ITPK1: variants seen among roughly 807,000 people sequenced by gnomAD.
ITPK1 encodes the protein inositol 1,3,4-trisphosphate 5/6-kinase.
In ITPK1, 21 loss-of-function variants were observed where a neutral mutation model predicts 45.3. That is an observed-to-expected ratio of 0.46 (90% CI 0.33 to 0.67). The LOEUF (loss-of-function observed/expected upper bound fraction) is 0.67, where lower values mean the gene tolerates loss of function less well. Ranked by LOEUF, ITPK1 falls within the 30% of genes least tolerant of loss-of-function variation. The pLI is 0.02. For missense variants in ITPK1, 474 were observed against 573.5 expected, an observed-to-expected ratio of 0.83 and a Z score of 1.77; for synonymous variants, 258 against 253.6, an observed-to-expected ratio of 1.02 and a Z score of -0.16.
intron 3 of ITPK1, among the ~76,000 whole-genome samples, chr14:93,056,064 C>A (rs1454860525): frequency 6.6e-6 from 1 of 152,220 alleles, no homozygotes; most frequent in Non-Finnish European, 1.5e-5. Context: ...GGAGGGAGGG[C>A]TTCACAGAGG....
At chr14:93,078,208 G>A (rs954609787) in intron 2 of ITPK1, among the ~76,000 whole-genome samples, 1 of 152,226 alleles carries the variant, frequency 6.6e-6, no homozygotes, top group Non-Finnish European at 1.5e-5. Context: ...GTCTTAGGGA[G>A]GAGATGGGCA....
rs780134021 is a variant in ITPK1, at chr14:92,962,358, G to A, written c.501C>T (p.His167=). ...AGTCAGATCTTCTTCCACTCACCTC[G>A]TGAGAGTTGGTGCCATGAGCCACTC... ...KTRVAHGTNS[H]EMAIVFNQEG... Residue 167 remains histidine, a synonymous_variant, in exon 7 of 11, where the codon CAC becomes CAT. Coordinates refer to ENST00000267615, the MANE Select transcript of ITPK1 (RefSeq NM_014216.6). The A allele has an allele frequency of 5.0e-6, 8 of 1,608,184 alleles. No individual in the cohort carries two copies. Among genetic ancestry groups the A allele is most frequent in the East Asian group, 2.2e-5 (1 of 44,854 alleles).
chr14:92,965,958 G>A lies in ITPK1; in HGVS notation c.365-3109C>T, dbSNP rs190587703. Among the ~76,000 whole-genome samples, 9 of 152,320 alleles carry A rather than the reference G, an allele frequency of 5.9e-5. No homozygotes were observed. In the East Asian group the frequency reaches 1.2e-3, roughly 20 times the overall value. ...GTGGAGGTTGACGTGAGCCAAGATC[G>A]CGCCATTGCATTCCAGCCTGGGCAA... On this transcript the variant is annotated intron_variant, in intron 5 of 10. Coordinates refer to ENST00000267615, the MANE Select transcript of ITPK1 (RefSeq NM_014216.6).
In ITPK1 at chr14:92,994,012, T is replaced by C. The variant is rs377433690; in HGVS notation, c.247-15A>G. 3.2e-6 allele frequency: 5 copies of C among 1,569,156 alleles called. No individual in the cohort carries two copies. Among genetic ancestry groups the C allele is most frequent in the East Asian group, 2.2e-5 (1 of 44,602 alleles). On this transcript the variant is annotated splice_polypyrimidine_tract_variant and intron_variant, in intron 4 of 10. Transcript: ENST00000267615. The stretch of plus-strand genomic sequence containing the variant: ...TCGATGTACTCCTGAAAGGGAAGCA[T>C]GCTGCTCTGGTTAGAGCAGGGGTAG...
intron 3 of ITPK1, among the ~76,000 whole-genome samples, chr14:93,019,859 G>A (rs938187445): frequency 6.6e-6 from 1 of 152,158 alleles, no homozygotes; most frequent in Non-Finnish European, 1.5e-5. Context: ...ATGCGATGGG[G>A]ACAGGAACTC....
At chr14:92,964,761 T>C (rs1245460421) in intron 5 of ITPK1, among the ~76,000 whole-genome samples, 2 of 152,168 alleles carry the variant, frequency 1.3e-5, no homozygotes, top group Non-Finnish European at 2.9e-5. Context: ...CCCCGGAGTT[T>C]TTAGAGCAGG....
At chr14:93,101,942 C>T (rs986175086) in intron 2 of ITPK1, among the ~76,000 whole-genome samples, 1 of 152,208 alleles carries the variant, frequency 6.6e-6, no homozygotes, top group Admixed American at 6.5e-5. Flanking sequence ...TGTTAGCGCT[C>T]AGCACCATGT....
Position 92,989,098 on chromosome 14 carries a change from G to T in ITPK1, c.364+4782C>A, listed in dbSNP as rs568107887. Among the ~76,000 whole-genome samples the T allele has an allele frequency of 4.6e-5, 7 of 152,260 alleles. No homozygotes were observed. In the East Asian group the frequency reaches 1.2e-3, roughly 25 times the overall value. On this transcript the variant is annotated intron_variant, in intron 5 of 10. Coordinates refer to ENST00000267615, the MANE Select transcript of ITPK1 (RefSeq NM_014216.6). ...ACAAACACCCACCCCCAAGGCAAAA[G>T]CTTTTTGGGGAATTATTTCTCCAGG...
chr14:93,041,604 C>A (rs1270871439), intron 3 of ITPK1, among the ~76,000 whole-genome samples: 6 of 152,234 alleles, frequency 3.9e-5, no homozygotes, highest in Admixed American at 6.5e-5. Context: ...GGCAGGCAGG[C>A]AGGCAGGCAA....
intron 2 of ITPK1, among the ~76,000 whole-genome samples, chr14:93,110,123 G>T (rs1892686352): frequency 6.6e-6 from 1 of 152,186 alleles, no homozygotes; most frequent in Non-Finnish European, 1.5e-5. Flanking sequence ...CACATAGGCA[G>T]TCAGTCGTGG....
At chr14:92,965,819 C>T (rs937048644) in intron 5 of ITPK1, among the ~76,000 whole-genome samples, 9 of 152,160 alleles carry the variant, frequency 5.9e-5, no homozygotes, top group Non-Finnish European at 1.0e-4. Context: ...GCCTGATCAA[C>T]ATGGAGAAAA....
At chr14:92,989,458 C>T (rs923117373) in intron 5 of ITPK1, among the ~76,000 whole-genome samples, 8 of 152,188 alleles carry the variant, frequency 5.3e-5, no homozygotes, top group Non-Finnish European at 7.3e-5. Flanking sequence ...CACAAACCCA[C>T]GCCATGCAAT....
chr14:93,067,204 T>C (rs1344016405), intron 3 of ITPK1, among the ~76,000 whole-genome samples: 1 of 152,196 alleles, frequency 6.6e-6, no homozygotes, highest in African/African-American at 2.4e-5. Context: ...AATGCTTACC[T>C]GGCACGCTCC....
At chr14:93,055,059 G>A (rs1890166097) in intron 3 of ITPK1, among the ~76,000 whole-genome samples, 1 of 152,124 alleles carries the variant, frequency 6.6e-6, no homozygotes, top group Admixed American at 6.5e-5. Flanking sequence ...TCATGTAAAT[G>A]GAATCAGACA....
chr14:93,004,617 A>C (rs578185132), intron 4 of ITPK1, among the ~76,000 whole-genome samples: 2 of 151,196 alleles, frequency 1.3e-5, no homozygotes, highest in African/African-American at 2.4e-5. Context: ...AGAGCATATG[A>C]GTGTGTGTGT....
chr14:93,104,949 G>C (rs951552491), intron 2 of ITPK1, among the ~76,000 whole-genome samples: 1 of 152,198 alleles, frequency 6.6e-6, no homozygotes, highest in African/African-American at 2.4e-5. Context: ...AACGCCACAA[G>C]TGTCTATCTG....
intron 2 of ITPK1, among the ~76,000 whole-genome samples, chr14:93,081,777 C>T (rs1052560085): frequency 6.6e-6 from 1 of 152,186 alleles, no homozygotes; most frequent in Non-Finnish European, 1.5e-5. Flanking sequence ...AAAGCCCTCT[C>T]AGGGGGCGGG....
chr14:93,110,894 C>T (rs915460881), intron 2 of ITPK1, among the ~76,000 whole-genome samples: 2 of 152,152 alleles, frequency 1.3e-5, no homozygotes, highest in Admixed American at 6.5e-5. Flanking sequence ...ACATTCTCAG[C>T]GCAAAGGCCT....
chr14:93,101,028 T>C (rs1320842785), intron 2 of ITPK1, among the ~76,000 whole-genome samples: 2 of 152,116 alleles, frequency 1.3e-5, no homozygotes, highest in East Asian at 3.9e-4. Context: ...ATCCAAAGAA[T>C]TGGTTCCTGT....
Sources: gnomAD v4.1 joint callset for allele counts (sites outside exome capture counted in the v4.1 genomes callset) on GRCh38, gnomAD v4.1.1 for gene constraint, MANE v1.5 for transcripts, NCBI Gene and HGNC (gene_info 2026-07-23, HGNC 2026-07-21) for gene names.